Variants in EWSR1 observed in about 807,000 individuals in gnomAD.
EWSR1 encodes RNA-binding protein EWS.
A neutral mutation model predicts 92.1 loss-of-function variants in EWSR1; 14 were observed. The observed-to-expected ratio is 0.15, with a 90% CI of 0.10 to 0.24. The LOEUF is 0.24. EWSR1 is among the 10% of genes least tolerant of loss of function. The probability of loss-of-function intolerance (pLI) is 1.00; values close to 1 mark genes in which losing one functional copy is unlikely to be tolerated. For missense variants in EWSR1, 637 were observed against 870.9 expected (o/e 0.73, Z 3.38); for synonymous variants, 303 against 292.9 (o/e 1.03, Z -0.35).
At chr22:29,286,736 T>G (rs943258597) in intron 6 of EWSR1, among the ~76,000 whole-genome samples, 187 bp from the exon 7 acceptor site, 1 of 151,568 alleles carries the variant, frequency 6.6e-6, no homozygotes, top group Admixed American at 6.6e-5. Context: ...CCCTCCCATT[T>G]AATGTTTTAT....
intron 4 of EWSR1, 102 bp from the exon 5 acceptor site, chr22:29,277,928 C>A: frequency 9.8e-7 from 1 of 1,016,960 alleles, no homozygotes; most frequent in Non-Finnish European, 1.4e-6. Context: ...ATTCAATATC[C>A]TGATGGTTTA....
chr22:29,273,909 C>T (rs2058893722), intron 4 of EWSR1, 45 bp downstream of exon 4: 1 of 1,609,418 alleles, frequency 6.2e-7, no homozygotes, highest in Admixed American at 1.7e-5. Flanking sequence ...CTGGCTAGGG[C>T]ATTGGCTAAG....
At position 29,272,445 on chromosome 22, in the gene EWSR1, T is replaced by C. The variant is rs1317749097; in HGVS notation, c.102+14T>C. 6.3e-7 allele frequency: 1 copy of C among 1,587,690 alleles called. No individual in the cohort carries two copies. Among genetic ancestry groups the C allele is most frequent in the Admixed American group, 1.7e-5 (1 of 59,224 alleles). ...CAGACCACCCAGGTAATCTTTAAAA[T>C]AATTACATGTAGCTGCACCTCCAAG... On this transcript the variant is annotated intron_variant, in intron 3 of 16. Transcript: ENST00000397938.
intron 1 of EWSR1, 36 bp from the exon 2 acceptor site, chr22:29,272,180 A>G (rs764603459): frequency 6.2e-7 from 1 of 1,600,988 alleles, no homozygotes; most frequent in East Asian, 2.2e-5. Flanking sequence ...TGTTTCTGCT[A>G]ACTTTACACT....
At chr22:29,280,710 G>A (rs1440399570) in intron 5 of EWSR1, among the ~76,000 whole-genome samples, 1 of 146,228 alleles carries the variant, frequency 6.8e-6, no homozygotes, top group Admixed American at 6.9e-5. Flanking sequence ...TTTTGCTCTT[G>A]TTGTCCAGGC....
chr22:29,277,917 G>A lies in EWSR1; in HGVS notation c.227-113G>A. The stretch of plus-strand genomic sequence containing the variant: ...TTGCGGAAGGGGGAATATTTAAAGG[G>A]ATTCAATATCCTGATGGTTTAAAGT... On this transcript the variant is annotated intron_variant, in intron 4 of 16. Transcript: ENST00000397938. 4.5e-6 allele frequency: 4 copies of A among 881,158 alleles called. No individual in the cohort carries two copies. In the South Asian group the frequency reaches 5.7e-5, roughly 13 times the overall value. The allele number at this position is 881,158 out of a possible 1,614,324, so 54.6% of individuals were successfully genotyped here.
chr22:29,294,361 C>T (rs2060674977), intron 11 of EWSR1, among the ~76,000 whole-genome samples: 1 of 151,730 alleles, frequency 6.6e-6, no homozygotes, highest in Admixed American at 6.6e-5. Flanking sequence ...AATCCTAGCA[C>T]TTTGGGAGGC....
chr22:29,298,933 G>T, intron 14 of EWSR1, 38 bp downstream of exon 14: 1 of 1,514,554 alleles, frequency 6.6e-7, no homozygotes, highest in South Asian at 1.3e-5. Context: ...CCCTACGAGT[G>T]AAGCCACCCT....
In EWSR1 at chr22:29,299,288, C is replaced by G; in HGVS notation, c.1635C>G (p.Ala545=). 6.2e-7 allele frequency: 1 copy of G among 1,614,014 alleles called. No homozygotes were observed. Among genetic ancestry groups the G allele is most frequent in the South Asian group, 1.1e-5 (1 of 91,074 alleles). ...GAACAGAGTGCAACCAGTGTAAGGCCCCAAAGCCTGAAGGCTTCCTCCCGC... is the reference window on the plus strand; with the variant it reads ...GAACAGAGTGCAACCAGTGTAAGGCGCCAAAGCCTGAAGGCTTCCTCCCGC... The part of the protein sequence containing the change: ...AWRTECNQCK[A]PKPEGFLPPP... Residue 545 remains alanine (A), a synonymous_variant, in exon 15 of 17, where the codon GCC becomes GCG. Coordinates refer to ENST00000397938, the MANE Select transcript of EWSR1 (RefSeq NM_005243.4).
At chr22:29,293,969 C>G (rs952312933) in intron 11 of EWSR1, among the ~76,000 whole-genome samples, 13 of 151,766 alleles carry the variant, frequency 8.6e-5, no homozygotes, top group African/African-American at 3.2e-4. Context: ...CCTCTGCCTC[C>G]CGGGTCTCCT....
chr22:29,293,047 C>T (rs780971861), intron 11 of EWSR1, among the ~76,000 whole-genome samples: 3 of 152,112 alleles, frequency 2.0e-5, no homozygotes, highest in Non-Finnish European at 2.9e-5. Flanking sequence ...CCCCTACGCC[C>T]GGCCTTCCCT....
At position 29,268,279 on chromosome 22, in the gene EWSR1, C is replaced by T. The variant is rs1355685466; in HGVS notation, c.-58C>T. ...AGATTTGCGCCTGCGCAGTGCGGCG[C>T]CTAGAGGGAAAGCGAGAGGGAGACG... On this transcript the variant is annotated 5_prime_UTR_variant, in exon 1 of 17. Transcript: ENST00000397938. The T allele has an allele frequency of 9.4e-6, 15 of 1,601,248 alleles. No homozygotes were observed. The highest frequency in any genetic ancestry group is 1.3e-5 in the African/African-American group (1 of 74,676).
intron 12 of EWSR1, among the ~76,000 whole-genome samples, chr22:29,296,633 C>T (rs1815914894): frequency 6.6e-6 from 1 of 152,160 alleles, no homozygotes; most frequent in Non-Finnish European, 1.5e-5. Context: ...ACAGAAAACC[C>T]TTCAAAAGAA....
At chr22:29,298,707 G>C in intron 13 of EWSR1, 26 bp from the exon 14 acceptor site, 1 of 1,612,328 alleles carries the variant, frequency 6.2e-7, no homozygotes. Flanking sequence ...GAAATGATTT[G>C]CTGTTTCTTG....
At chr22:29,276,865 T>A in intron 4 of EWSR1, 1 of 230,676 alleles carries the variant, frequency 4.3e-6, no homozygotes, top group Non-Finnish European at 8.6e-6. Context: ...TTGCCCAGGG[T>A]GGTCTCTAAC....
At chr22:29,278,750 G>T (rs1367902495) in intron 5 of EWSR1, among the ~76,000 whole-genome samples, 2 of 151,900 alleles carry the variant, frequency 1.3e-5, no homozygotes, top group African/African-American at 4.8e-5. Flanking sequence ...TCATGAACCC[G>T]AGAGGCGGAG....
chr22:29,296,160 T>C, intron 11 of EWSR1, 79 bp from the exon 12 acceptor site: 1 of 1,450,712 alleles, frequency 6.9e-7, no homozygotes, highest in Non-Finnish European at 9.4e-7. Flanking sequence ...AATTGGTACT[T>C]TTCCTGGATT....
At chr22:29,286,876 C>A in intron 6 of EWSR1, 47 bp from the exon 7 acceptor site, 1 of 1,457,732 alleles carries the variant, frequency 6.9e-7, no homozygotes, top group Middle Eastern at 1.8e-4. Flanking sequence ...AAATAACAAG[C>A]CTCTTTCTAA....
In EWSR1 at chr22:29,278,276, G is replaced by C. The variant is rs1243086849; in HGVS notation, c.413+60G>C. On this transcript the variant is annotated intron_variant, in intron 5 of 16. Coordinates refer to ENST00000397938, the MANE Select transcript of EWSR1 (RefSeq NM_005243.4). ...TGTTGGAGGGAAAGAAAGCAACTGTGTACACTTAAAATAATCTGTGGTTTA... is the reference window on the plus strand; with the variant it reads ...TGTTGGAGGGAAAGAAAGCAACTGTCTACACTTAAAATAATCTGTGGTTTA... The C allele has an allele frequency of 1.8e-5, 27 of 1,505,130 alleles. No homozygotes were observed. In the African/African-American group the frequency reaches 1.8e-4, roughly 10 times the overall value. 93.2% of individuals were successfully genotyped at this position (1,505,130 alleles called of 1,614,324 possible).
Sources: allele counts gnomAD v4.1 joint callset (sites outside exome capture counted in the v4.1 genomes callset), GRCh38; gene constraint gnomAD v4.1.1; transcripts MANE v1.5; gene names NCBI Gene and HGNC (gene_info 2026-07-23, HGNC 2026-07-21).